Variants in CADPS2 observed in about 807,000 individuals in gnomAD.
The protein encoded by CADPS2 is calcium dependent secretion activator 2, also known as calcium-dependent secretion activator 2.
A neutral mutation model predicts 172.5 loss-of-function variants in CADPS2; 93 were observed. The ratio of observed to expected loss-of-function variants is 0.54; its 90% CI spans 0.46 to 0.64. CADPS2 has a LOEUF of 0.64. Ranked by LOEUF, CADPS2 falls within the 30% of genes least tolerant of loss-of-function variation. The probability of loss-of-function intolerance (pLI) is 0.00; values close to 1 mark genes in which losing one functional copy is unlikely to be tolerated. For missense variants in CADPS2, 1,420 were observed against 1,565.9 expected (o/e 0.91, Z 1.57); for synonymous variants, 546 against 555.2 (o/e 0.98, Z 0.23).
intron 3 of CADPS2, among the ~76,000 whole-genome samples, chr7:122,651,771 G>A (rs1461922026): frequency 6.6e-6 from 1 of 152,132 alleles, no homozygotes; most frequent in Non-Finnish European, 1.5e-5. Context: ...GCAGAAAAGA[G>A]CAGGGTCTAG....
intron 1 of CADPS2, among the ~76,000 whole-genome samples, chr7:122,861,555 A>G (rs539665426): frequency 1.3e-5 from 2 of 152,048 alleles, no homozygotes; most frequent in African/African-American, 4.8e-5. Flanking sequence ...TCTTCTCTTC[A>G]CTCTGTTGTT....
chr7:122,565,898 G>A (rs1004738554), intron 7 of CADPS2, among the ~76,000 whole-genome samples: 6 of 152,064 alleles, frequency 3.9e-5, no homozygotes, highest in African/African-American at 7.2e-5. Flanking sequence ...TCATCTTAAC[G>A]AAAACTTTGT....
At chr7:122,883,101 A>C (rs940709280) in intron 1 of CADPS2, among the ~76,000 whole-genome samples, 2 of 152,186 alleles carry the variant, frequency 1.3e-5, no homozygotes, top group African/African-American at 2.4e-5. Context: ...GTGTTCGTTA[A>C]CTGTGTTTAA....
At chr7:122,661,731 G>GT (rs1192023313) in intron 3 of CADPS2, among the ~76,000 whole-genome samples, 4 of 152,122 alleles carry the variant, frequency 2.6e-5, no homozygotes, top group Admixed American at 2.0e-4. Flanking sequence ...GAAAAAATAT[G>GT]TTTTTTCGCT....
intron 27 of CADPS2, among the ~76,000 whole-genome samples, chr7:122,348,679 C>T (rs1480615641): frequency 1.3e-5 from 2 of 152,110 alleles, no homozygotes; most frequent in African/African-American, 4.8e-5. Flanking sequence ...GAATTTCACA[C>T]CTAGTGAATA....
chr7:122,747,555 A>G (rs1465800252), intron 1 of CADPS2, among the ~76,000 whole-genome samples: 1 of 152,158 alleles, frequency 6.6e-6, no homozygotes, highest in Non-Finnish European at 1.5e-5. Context: ...ACTCAGCACA[A>G]TTCTAACCTC....
intron 2 of CADPS2, among the ~76,000 whole-genome samples, chr7:122,729,096 A>G (rs1252863075): frequency 6.6e-6 from 1 of 151,798 alleles, no homozygotes; most frequent in African/African-American, 2.4e-5. Context: ...TAGATTCTAC[A>G]TATGAGGGAA....
intron 14 of CADPS2, among the ~76,000 whole-genome samples, chr7:122,458,321 A>C (rs1586242008): frequency 1.3e-5 from 2 of 152,330 alleles, no homozygotes; most frequent in East Asian, 3.9e-4. Context: ...AAAGATGATG[A>C]GGAAGAAAAC....
intron 20 of CADPS2, among the ~76,000 whole-genome samples, chr7:122,404,355 GGT>G (rs2046361099): frequency 1.3e-5 from 2 of 152,118 alleles, no homozygotes; most frequent in Admixed American, 1.3e-4. Flanking sequence ...AGTATTCCAT[GGT>G]GTATATGGGC....
chr7:122,495,575 T>C (rs1311651771), intron 9 of CADPS2, among the ~76,000 whole-genome samples: 2 of 152,208 alleles, frequency 1.3e-5, no homozygotes, highest in East Asian at 1.9e-4. Flanking sequence ...CTTCACTTTT[T>C]TTCACTTGTC....
intron 2 of CADPS2, among the ~76,000 whole-genome samples, chr7:122,696,624 C>T (rs561076441): frequency 5.9e-5 from 9 of 152,216 alleles, no homozygotes; most frequent in East Asian, 5.8e-4. Context: ...TCCAAGGCTG[C>T]GCAGCAATTC....
intron 1 of CADPS2, among the ~76,000 whole-genome samples, chr7:122,812,352 A>G (rs183063587): frequency 1.2e-4 from 18 of 152,090 alleles, no homozygotes; most frequent in Admixed American, 1.0e-3. Flanking sequence ...AAACAAATAT[A>G]AAAAAATTTA....
intron 17 of CADPS2, among the ~76,000 whole-genome samples, chr7:122,430,914 C>T (rs2049825084): frequency 6.6e-6 from 1 of 150,882 alleles, no homozygotes; most frequent in African/African-American, 2.5e-5. Flanking sequence ...TGGAAGAGAA[C>T]TATGAGTCAC....
chr7:122,585,583 AC>A (rs2069549929), intron 6 of CADPS2: 1 of 151,886 alleles, frequency 6.6e-6, no homozygotes, highest in African/African-American at 2.4e-5. Context: ...GGTAATTAAT[AC>A]CAGTTATTGT....
chr7:122,643,367 C>T (rs1458666868), intron 3 of CADPS2, among the ~76,000 whole-genome samples: 1 of 152,212 alleles, frequency 6.6e-6, no homozygotes, highest in Non-Finnish European at 1.5e-5. Context: ...GTGATCATTT[C>T]TGCTGTTTTC....
At chr7:122,798,019 T>C (rs1278617600) in intron 1 of CADPS2, among the ~76,000 whole-genome samples, 2 of 151,890 alleles carry the variant, frequency 1.3e-5, no homozygotes, top group Admixed American at 6.6e-5. Flanking sequence ...TTCAATGTTA[T>C]ATATCAAGGA....
At chr7:122,812,880 A>T (rs1400431203) in intron 1 of CADPS2, among the ~76,000 whole-genome samples, 1 of 152,168 alleles carries the variant, frequency 6.6e-6, no homozygotes, top group Non-Finnish European at 1.5e-5. Flanking sequence ...GTACAAACTT[A>T]CTCTACAGAA....
At position 122,640,470 on chromosome 7, in the gene CADPS2, TACAC is replaced by T. The variant is rs10544198; in HGVS notation, c.787-11146_787-11143del. Among the ~76,000 whole-genome samples, 17 of 137,588 alleles carry T rather than the reference TACAC, an allele frequency of 1.2e-4. No homozygotes were observed. In the East Asian group the frequency reaches 2.1e-3, roughly 17 times the overall value. 90.3% of individuals were successfully genotyped at this position (137,588 alleles called of 152,430 possible). ...AAGTGGTTGTGTGTGCACACACATA[TACAC>T]ACACACACACACACACAGAGATAGA... On this transcript the variant is annotated intron_variant, in intron 3 of 29. Transcript: ENST00000449022.
chr7:122,346,706 G>T (rs2037715388), intron 27 of CADPS2, among the ~76,000 whole-genome samples: 1 of 152,126 alleles, frequency 6.6e-6, no homozygotes, highest in Non-Finnish European at 1.5e-5. Flanking sequence ...TTAACATTTG[G>T]TGTCTTCTAA....
Sources: gnomAD v4.1 joint callset for allele counts (sites outside exome capture counted in the v4.1 genomes callset) on GRCh38, gnomAD v4.1.1 for gene constraint, MANE v1.5 for transcripts, NCBI Gene and HGNC (gene_info 2026-07-23, HGNC 2026-07-21) for gene names.